The following EXOC4 variants were observed in gnomAD, a reference collection of about 807,000 sequenced individuals.
EXOC4 encodes the protein exocyst complex component 4, also known as SEC8-like 1.
In EXOC4, 71 loss-of-function variants were observed where a neutral mutation model predicts 107.2. The observed-to-expected ratio is 0.66, with a 90% CI of 0.55 to 0.81. The LOEUF is 0.81. Among genes scored for constraint, EXOC4 ranks in the 30% least tolerant of loss-of-function variants. The probability of loss-of-function intolerance (pLI) is 0.00; values close to 1 mark genes in which losing one functional copy is unlikely to be tolerated. For missense variants in EXOC4, 1,108 were observed against 1,189.6 expected, an observed-to-expected ratio of 0.93 and a Z score of 1.01; for synonymous variants, 456 against 441.2, an observed-to-expected ratio of 1.03 and a Z score of -0.42.
At chr7:133,695,124 C>G (rs752710448) in intron 10 of EXOC4, among the ~76,000 whole-genome samples, 1 of 152,250 alleles carries the variant, frequency 6.6e-6, no homozygotes, top group East Asian at 1.9e-4. Flanking sequence ...GCCCGGCCCC[C>G]ACTACCCTTT....
At chr7:133,724,294 T>C (rs1174911377) in intron 10 of EXOC4, among the ~76,000 whole-genome samples, 2 of 152,168 alleles carry the variant, frequency 1.3e-5, no homozygotes, top group African/African-American at 4.8e-5. Context: ...AGACCAAAGT[T>C]TGATGGAGGT....
chr7:133,888,937 T>C (rs1031153679), intron 11 of EXOC4, among the ~76,000 whole-genome samples: 2 of 152,240 alleles, frequency 1.3e-5, no homozygotes, highest in Non-Finnish European at 2.9e-5. Flanking sequence ...TGCTTATCAT[T>C]GTACTTTGCA....
chr7:134,007,668 C>A lies in EXOC4; in HGVS notation c.2528-8C>A. On this transcript the variant is annotated splice_polypyrimidine_tract_variant and splice_region_variant and intron_variant, in intron 16 of 17. Transcript: ENST00000253861. ...TTTTCTTTGCCCCGCACTGTGCTGA[C>A]CCCTCAGGCCTGGGCCACCTGATCT... 5 of 1,610,680 alleles carry A rather than the reference C, an allele frequency of 3.1e-6. No individual in the cohort carries two copies. The highest frequency in any genetic ancestry group is 4.2e-6 in the Non-Finnish European group (5 of 1,178,324).
intron 1 of EXOC4, among the ~76,000 whole-genome samples, chr7:133,255,335 C>A (rs554412828): frequency 2.0e-5 from 3 of 152,180 alleles, no homozygotes; most frequent in African/African-American, 7.2e-5. Flanking sequence ...CGCCACCACA[C>A]CCACCTAATT....
intron 9 of EXOC4, among the ~76,000 whole-genome samples, chr7:133,604,864 C>T (rs1322141863): frequency 1.3e-5 from 2 of 151,578 alleles, no homozygotes; most frequent in East Asian, 3.9e-4. Context: ...GCTGGGATTG[C>T]AAGCATGTGC....
intron 9 of EXOC4, among the ~76,000 whole-genome samples, chr7:133,558,521 T>C (rs1349209464): frequency 6.6e-6 from 1 of 152,184 alleles, no homozygotes; most frequent in Non-Finnish European, 1.5e-5. Context: ...AAACATTGAC[T>C]AATTTAATGA....
At chr7:133,659,511 T>C (rs1195128866) in intron 10 of EXOC4, among the ~76,000 whole-genome samples, 2 of 152,170 alleles carry the variant, frequency 1.3e-5, no homozygotes, top group Non-Finnish European at 2.9e-5. Context: ...AGCAAATGTT[T>C]TCTTATTTTG....
the EXOC4 span, among the ~76,000 whole-genome samples, chr7:134,099,616 G>GC: frequency 5.8e-5 from 8 of 137,660 alleles, no homozygotes; most frequent in South Asian, 5.1e-4. Flanking sequence ...TGCAGGCTCC[G>GC]CCCCCCGGGG....
chr7:133,262,773 C>G (rs1488771754), intron 1 of EXOC4, among the ~76,000 whole-genome samples: 1 of 151,980 alleles, frequency 6.6e-6, no homozygotes, highest in Non-Finnish European at 1.5e-5. Flanking sequence ...AACAAGAAAC[C>G]CCAGGCTTGA....
intron 9 of EXOC4, among the ~76,000 whole-genome samples, chr7:133,522,165 A>G (rs1337555306): frequency 1.3e-5 from 2 of 152,154 alleles, no homozygotes; most frequent in East Asian, 3.9e-4. Flanking sequence ...AAACATACAA[A>G]CAAACCCCTG....
At chr7:133,695,714 A>T (rs1210941730) in intron 10 of EXOC4, among the ~76,000 whole-genome samples, 1 of 152,204 alleles carries the variant, frequency 6.6e-6, no homozygotes, top group South Asian at 2.1e-4. Flanking sequence ...TGTTGCAGTG[A>T]TATAGAGATA....
chr7:133,816,843 T>C (rs1427883505), intron 10 of EXOC4, among the ~76,000 whole-genome samples: 1 of 152,128 alleles, frequency 6.6e-6, no homozygotes, highest in Non-Finnish European at 1.5e-5. Context: ...GCTCAGGTGG[T>C]AATGCTCGCC....
Position 133,834,608 on chromosome 7 carries a change from C to T in EXOC4, c.1734+17064C>T, listed in dbSNP as rs373528158. ...TGTTCAATTTCGTTAGGATTTTGAG[C>T]GTTATTCCTAACAAGAATTAATAGG... On this transcript the variant is annotated intron_variant, in intron 11 of 17. Transcript: ENST00000253861. Among the ~76,000 whole-genome samples the T allele has an allele frequency of 3.3e-4, 51 of 152,252 alleles. No homozygotes were observed. In the South Asian group the frequency reaches 3.9e-3, roughly 12 times the overall value.
Position 133,823,893 on chromosome 7 carries a change from T to TATATATA in EXOC4, c.1734+6349_1734+6350insATATATA, listed in dbSNP as rs1554405881. ...TATATTATATATATATATATATATA[T>TATATATA]TTTATATATATATATATAAATATAT... is the stretch of plus-strand genomic sequence containing the variant. On this transcript the variant is annotated intron_variant, in intron 11 of 17. Coordinates refer to ENST00000253861, the MANE Select transcript of EXOC4 (RefSeq NM_021807.4). Among the ~76,000 whole-genome samples the TATATATA allele has an allele frequency of 9.7e-4, 18 of 18,612 alleles. No homozygotes were observed. In the African/African-American group the frequency reaches 0.011, roughly 12 times the overall value. 12.2% of individuals were successfully genotyped at this position (18,612 alleles called of 152,430 possible).
Position 134,004,944 on chromosome 7 carries a change from C to G in EXOC4, c.2381C>G (p.Ala794Gly), listed in dbSNP as rs753864971. Residue 794 changes from alanine (A) to glycine (G), a missense_variant, in exon 16 of 18, where the codon GCA (alanine) becomes GGA (glycine). Coordinates refer to ENST00000253861, the MANE Select transcript of EXOC4 (RefSeq NM_021807.4). The part of the protein sequence containing the change: ...VHCFHYLIPL[A>G]KEGNYAIVAN... The stretch of plus-strand genomic sequence containing the variant: ...TGTTTCCACTATCTTATCCCTCTTG[C>G]AAAGGAGGGGAACTATGCCATTGTG... 2 of 1,613,236 alleles carry G rather than the reference C, an allele frequency of 1.2e-6. No homozygotes were observed. Among genetic ancestry groups the G allele is most frequent in the Non-Finnish European group, 1.7e-6 (2 of 1,179,462 alleles).
intron 9 of EXOC4, among the ~76,000 whole-genome samples, chr7:133,587,196 A>G (rs1585015481): frequency 6.6e-6 from 1 of 152,130 alleles, no homozygotes; most frequent in Non-Finnish European, 1.5e-5. Flanking sequence ...ATCAAAATAG[A>G]ACAGGAAATA....
chr7:133,900,486 C>T (rs377482616), intron 12 of EXOC4, among the ~76,000 whole-genome samples: 1 of 152,140 alleles, frequency 6.6e-6, no homozygotes, highest in Non-Finnish European at 1.5e-5. Context: ...ACTGGAGGAT[C>T]GCGAATGTCA....
intron 5 of EXOC4, among the ~76,000 whole-genome samples, chr7:133,351,160 G>T (rs934916384): frequency 1.3e-5 from 2 of 151,868 alleles, no homozygotes; most frequent in African/African-American, 4.8e-5. Flanking sequence ...AGTGATATTG[G>T]TTTGTAGTTT....
At chr7:133,567,203 C>G (rs1356361726) in intron 9 of EXOC4, among the ~76,000 whole-genome samples, 1 of 151,946 alleles carries the variant, frequency 6.6e-6, no homozygotes, top group Non-Finnish European at 1.5e-5. Flanking sequence ...TAATTTATAT[C>G]ATTAGTTTCT....
Sources: allele counts gnomAD v4.1 joint callset (sites outside exome capture counted in the v4.1 genomes callset), GRCh38; gene constraint gnomAD v4.1.1; transcripts MANE v1.5; gene names NCBI Gene and HGNC (gene_info 2026-07-23, HGNC 2026-07-21).